ADAMTS16: variants seen among roughly 807,000 people sequenced by gnomAD.
The protein encoded by ADAMTS16 is A disintegrin and metalloproteinase with thrombospondin motifs 16.
ADAMTS16 carries 94 observed loss-of-function variants against 145.8 expected under a neutral mutation model. The ratio of observed to expected loss-of-function variants is 0.64; its 90% CI spans 0.55 to 0.77. ADAMTS16 has a LOEUF of 0.77. ADAMTS16 is among the 30% of genes least tolerant of loss of function. The pLI is 0.00. For synonymous variants in ADAMTS16, 659 were observed against 604.3 expected (o/e 1.09, Z -1.33); for missense variants, 1,585 against 1,591.5 (o/e 1.00, Z 0.07).
Position 5,140,702 on chromosome 5 carries a change from T to C in ADAMTS16, c.111T>C (p.Pro37=). 3 of 1,567,148 alleles carry C rather than the reference T, an allele frequency of 1.9e-6. No individual in the cohort carries two copies. The highest frequency in any genetic ancestry group is 2.3e-5 in the East Asian group (1 of 43,170). ...CCATGGGACCCGCAGCGGCAGCGCC[T>C]GGGAGCCCGAGCGTCCCGCGTCCTC... ...ACAMGPAAAA[P]GSPSVPRPPP... The change falls in exon 2 of 23, where the codon CCT becomes CCC. Residue 37 remains proline, a synonymous_variant. Coordinates refer to ENST00000274181, the MANE Select transcript of ADAMTS16 (RefSeq NM_139056.4).
At chr5:5,240,224 G>A (rs71596744) in intron 16 of ADAMTS16, among the ~76,000 whole-genome samples, 622 of 152,278 alleles carry the variant, frequency 4.1e-3, no homozygotes, top group Middle Eastern at 0.027. Context: ...GCCACTCTTG[G>A]GGGAGGGAGG....
intron 17 of ADAMTS16, among the ~76,000 whole-genome samples, chr5:5,261,335 G>A (rs187924832): frequency 8.0e-4 from 121 of 151,994 alleles, no homozygotes; most frequent in Non-Finnish European, 1.5e-3. Context: ...ATGGGGTTTC[G>A]CCACATTGCC....
Position 5,303,116 on chromosome 5 carries a change from G to A in ADAMTS16, c.2790-152G>A. On this transcript the variant is annotated intron_variant, in intron 18 of 22. Coordinates refer to ENST00000274181, the MANE Select transcript of ADAMTS16 (RefSeq NM_139056.4). ...AGCAGGCGCAGGGAGACTCCGGTAG[G>A]AATGCTCACCCAGGAAAGGTGGAAC... The A allele has an allele frequency of 3.8e-6, 3 of 783,242 alleles. No individual in the cohort carries two copies. The South Asian group carries it at 6.5e-5, about 17-fold the overall frequency. 48.5% of individuals were successfully genotyped at this position (783,242 alleles called of 1,614,324 possible).
intron 17 of ADAMTS16, among the ~76,000 whole-genome samples, chr5:5,246,880 AC>A (rs1214712816): frequency 6.6e-6 from 1 of 152,178 alleles, no homozygotes; most frequent in East Asian, 1.9e-4. Flanking sequence ...GCAAGGAGTT[AC>A]CCATATGCCC....
chr5:5,268,307 C>T (rs986896437), intron 18 of ADAMTS16, among the ~76,000 whole-genome samples: 8 of 152,320 alleles, frequency 5.3e-5, no homozygotes, highest in African/African-American at 7.2e-5. Context: ...ATCTGCCTCA[C>T]GTCAGCCTCC....
intron 3 of ADAMTS16, among the ~76,000 whole-genome samples, chr5:5,172,178 T>C (rs992191498): frequency 3.3e-5 from 5 of 152,122 alleles, no homozygotes; most frequent in Non-Finnish European, 7.4e-5. Flanking sequence ...TCAATTTTGT[T>C]TAACTTTTCA....
chr5:5,300,304 C>A (rs758132291), intron 18 of ADAMTS16, among the ~76,000 whole-genome samples: 9 of 152,012 alleles, frequency 5.9e-5, no homozygotes, highest in Non-Finnish European at 1.2e-4. Flanking sequence ...AGAGGCTTTA[C>A]ATGGAGAATT....
At chr5:5,271,273 G>A (rs1221109814) in intron 18 of ADAMTS16, among the ~76,000 whole-genome samples, 3 of 152,198 alleles carry the variant, frequency 2.0e-5, no homozygotes, top group Non-Finnish European at 4.4e-5. Flanking sequence ...CTTCTTGCTG[G>A]AGATTCTCTT....
chr5:5,238,503 T>C (rs1457440176), intron 14 of ADAMTS16, among the ~76,000 whole-genome samples: 1 of 152,202 alleles, frequency 6.6e-6, no homozygotes, highest in Non-Finnish European at 1.5e-5. Context: ...ATTACCTTTA[T>C]AAAATTAAAA....
chr5:5,168,652 A>T (rs1261726877), intron 3 of ADAMTS16, among the ~76,000 whole-genome samples: 4 of 120,130 alleles, frequency 3.3e-5, no homozygotes, highest in African/African-American at 1.3e-4. Context: ...AATTATATTT[A>T]TATATTATAT....
chr5:5,286,885 AGT>A (rs1560988374), intron 18 of ADAMTS16, among the ~76,000 whole-genome samples: 1 of 52,192 alleles, frequency 1.9e-5, no homozygotes, highest in Admixed American at 1.6e-4. Flanking sequence ...AAAAAAAAAG[AGT>A]TTTTATAACC....
intron 18 of ADAMTS16, among the ~76,000 whole-genome samples, chr5:5,276,312 T>C (rs772397653): frequency 2.6e-5 from 4 of 152,224 alleles, no homozygotes; most frequent in African/African-American, 4.8e-5. Flanking sequence ...TTCTAACGAA[T>C]CTGTAGAATT....
rs1320144279 is a variant in ADAMTS16, at chr5:5,303,677, G to A, written c.3097G>A (p.Glu1033Lys). 68 of 1,613,726 alleles carry A rather than the reference G, an allele frequency of 4.2e-5. No individual in the cohort carries two copies. The Admixed American group carries it at 1.1e-3, about 26-fold the overall frequency. ...QLLPDAVCTS[E>K]PKPRMHEACL... ...GCTGCCCGACGCTGTCTGCACCTCC[G>A]AGCCCAAGCCCAGGATGCATGAAGC... The change falls in exon 20 of 23, where the codon GAG becomes AAG. Residue 1033 changes from glutamate to lysine, a missense_variant. Physicochemically the swap from Glu to Lys is moderately conservative, Grantham distance 56. Transcript: ENST00000274181.
intron 18 of ADAMTS16, among the ~76,000 whole-genome samples, chr5:5,287,061 CATAA>C (rs762024404): frequency 1.5e-4 from 23 of 152,046 alleles, no homozygotes; most frequent in Non-Finnish European, 2.6e-4. Flanking sequence ...CAGGAGGTTA[CATAA>C]ATATTGTTCT....
At chr5:5,300,562 C>T (rs1352223700) in intron 18 of ADAMTS16, among the ~76,000 whole-genome samples, 1 of 152,156 alleles carries the variant, frequency 6.6e-6, no homozygotes, top group African/African-American at 2.4e-5. Flanking sequence ...AGTGAAAACA[C>T]TTGGTACAAA....
intron 20 of ADAMTS16, among the ~76,000 whole-genome samples, chr5:5,305,926 G>T (rs34309697): frequency 0.37 from 56,191 of 152,090 alleles, 10,632 homozygotes; most frequent in Middle Eastern, 0.48. Flanking sequence ...TGGCCTGCTC[G>T]TTTGCACAGG....
intron 3 of ADAMTS16, among the ~76,000 whole-genome samples, chr5:5,153,404 T>G (rs2126515225): frequency 6.6e-6 from 1 of 152,348 alleles, no homozygotes; most frequent in Middle Eastern, 3.4e-3. Context: ...AAATTCATTT[T>G]GTTCTTGTAA....
intron 18 of ADAMTS16, among the ~76,000 whole-genome samples, chr5:5,299,075 T>A (rs946503745): frequency 3.9e-5 from 6 of 152,230 alleles, no homozygotes; most frequent in African/African-American, 1.4e-4. Context: ...GCTGGAGCCC[T>A]GATACTTATC....
At chr5:5,175,681 G>A (rs985694092) in intron 3 of ADAMTS16, among the ~76,000 whole-genome samples, 19 of 152,202 alleles carry the variant, frequency 1.2e-4, no homozygotes, top group Admixed American at 6.5e-4. Flanking sequence ...CTCAGGTTCT[G>A]TCCACTGGGA....
Sources: gnomAD v4.1 joint callset for allele counts (sites outside exome capture counted in the v4.1 genomes callset) on GRCh38, gnomAD v4.1.1 for gene constraint, MANE v1.5 for transcripts, NCBI Gene and HGNC (gene_info 2026-07-23, HGNC 2026-07-21) for gene names.